The following GPR39 variants were observed in gnomAD, a reference collection of about 807,000 sequenced individuals.
GPR39 encodes the protein G protein-coupled receptor 39, also known as zinc sensing receptor.
In GPR39, 23 loss-of-function variants were observed where a neutral mutation model predicts 18.4. The ratio of observed to expected loss-of-function variants is 1.25; its 90% CI spans 0.90 to 1.77. The LOEUF (loss-of-function observed/expected upper bound fraction) is 1.77, where lower values mean the gene tolerates loss of function less well. Ranked by LOEUF, GPR39 falls within the 40% of genes most tolerant of loss-of-function variation. The probability of loss-of-function intolerance (pLI) is 0.00; values close to 1 mark genes in which losing one functional copy is unlikely to be tolerated. For synonymous variants in GPR39, 280 were observed against 257.9 expected, an observed-to-expected ratio of 1.09 and a Z score of -0.82; for missense variants, 647 against 602.4, an observed-to-expected ratio of 1.07 and a Z score of -0.78.
chr2:132,493,044 A>G (rs936180146), intron 1 of GPR39, among the ~76,000 whole-genome samples: 2 of 124,078 alleles, frequency 1.6e-5, no homozygotes, highest in Admixed American at 1.9e-4. Flanking sequence ...TATATATACC[A>G]TATATACCAT....
At position 132,645,141 on chromosome 2, in the gene GPR39, C is replaced by T; in HGVS notation, c.897C>T (p.Asn299=). Residue 299 remains asparagine (N), a synonymous_variant, in exon 2 of 2, where the codon AAC becomes AAT. Coordinates refer to ENST00000329321, the MANE Select transcript of GPR39 (RefSeq NM_001508.3). ...VVTLAVCWMP[N]QIRRIMAAAK... ...CATTGGCCGTATGCTGGATGCCCAA[C>T]CAGATTCGGAGGATCATGGCTGCGG... 1.2e-6 allele frequency: 2 copies of T among 1,614,100 alleles called. No homozygotes were observed. Among genetic ancestry groups the T allele is most frequent in the Non-Finnish European group, 1.7e-6 (2 of 1,179,978 alleles).
At chr2:132,592,482 G>A (rs1680863649) in intron 1 of GPR39, among the ~76,000 whole-genome samples, 2 of 152,148 alleles carry the variant, frequency 1.3e-5, no homozygotes, top group Admixed American at 1.3e-4. Flanking sequence ...AAAAGTGGTG[G>A]CTGAGGGTGA....
chr2:132,444,727 G>A (rs1440233964), intron 1 of GPR39, among the ~76,000 whole-genome samples: 2 of 152,196 alleles, frequency 1.3e-5, no homozygotes, highest in Non-Finnish European at 2.9e-5. Context: ...CATTGATGAA[G>A]TGTCCAGATC....
At chr2:132,434,957 A>T (rs1284992475) in intron 1 of GPR39, among the ~76,000 whole-genome samples, 1 of 152,222 alleles carries the variant, frequency 6.6e-6, no homozygotes, top group Non-Finnish European at 1.5e-5. Flanking sequence ...AATCAACGCC[A>T]GATGACGAGG....
At chr2:132,485,765 C>T (rs557837528) in intron 1 of GPR39, among the ~76,000 whole-genome samples, 15 of 152,162 alleles carry the variant, frequency 9.9e-5, no homozygotes, top group Non-Finnish European at 2.1e-4. Flanking sequence ...GCTATTATTT[C>T]TTCACTGAAA....
intron 1 of GPR39, among the ~76,000 whole-genome samples, chr2:132,516,469 G>A (rs1679336413): frequency 6.6e-6 from 1 of 152,186 alleles, no homozygotes; most frequent in Admixed American, 6.5e-5. Flanking sequence ...GATAGAGGGT[G>A]TCTTGGGGGA....
chr2:132,532,656 T>G (rs865972055), intron 1 of GPR39, among the ~76,000 whole-genome samples: 38 of 152,174 alleles, frequency 2.5e-4, no homozygotes, highest in African/African-American at 8.9e-4. Flanking sequence ...CATGATCAAG[T>G]GGGCTTCATC....
intron 1 of GPR39, among the ~76,000 whole-genome samples, chr2:132,585,689 G>A (rs1002158412): frequency 2.6e-5 from 4 of 152,020 alleles, no homozygotes; most frequent in Admixed American, 2.6e-4. Flanking sequence ...TGGAGTGGAC[G>A]GGCAAGGGGG....
chr2:132,434,573 G>C (rs1680278896), intron 1 of GPR39, among the ~76,000 whole-genome samples: 1 of 152,140 alleles, frequency 6.6e-6, no homozygotes, highest in Admixed American at 6.5e-5. Flanking sequence ...TCAGCCTCTA[G>C]ATTGGGGCCA....
intron 1 of GPR39, among the ~76,000 whole-genome samples, chr2:132,561,077 C>A (rs1680243809): frequency 6.7e-6 from 1 of 149,434 alleles, no homozygotes; most frequent in South Asian, 2.1e-4. Context: ...CCATGCCTGG[C>A]TAAATTTTGT....
At chr2:132,435,019 T>A (rs1209046637) in intron 1 of GPR39, among the ~76,000 whole-genome samples, 1 of 152,122 alleles carries the variant, frequency 6.6e-6, no homozygotes. Flanking sequence ...TATTAGACAA[T>A]CTGGCCAAAG....
At chr2:132,558,652 G>A (rs776786649) in intron 1 of GPR39, among the ~76,000 whole-genome samples, 9 of 152,164 alleles carry the variant, frequency 5.9e-5, no homozygotes, top group Admixed American at 1.3e-4. Flanking sequence ...TGATTAACAA[G>A]ACGATGCACT....
At chr2:132,524,765 A>G (rs1392167091) in intron 1 of GPR39, among the ~76,000 whole-genome samples, 2 of 152,190 alleles carry the variant, frequency 1.3e-5, no homozygotes, top group African/African-American at 2.4e-5. Context: ...AATTTTAAAG[A>G]TGTAGGAAGC....
chr2:132,633,267 T>G (rs1402691337), intron 1 of GPR39, among the ~76,000 whole-genome samples: 1 of 151,986 alleles, frequency 6.6e-6, no homozygotes, highest in Non-Finnish European at 1.5e-5. Context: ...TAATCCTACC[T>G]TCTATCAATT....
intron 1 of GPR39, among the ~76,000 whole-genome samples, chr2:132,610,897 G>T (rs989259772): frequency 6.6e-6 from 1 of 152,118 alleles, no homozygotes; most frequent in African/African-American, 2.4e-5. Context: ...TGCTGGAAGG[G>T]AAAAGGGCAT....
chr2:132,441,298 G>A (rs1055914057), intron 1 of GPR39, among the ~76,000 whole-genome samples: 5 of 152,102 alleles, frequency 3.3e-5, no homozygotes, highest in Admixed American at 6.5e-5. Flanking sequence ...TTACAGATAC[G>A]CTGCATTTCA....
chr2:132,504,301 A>T (rs1417408668), intron 1 of GPR39, among the ~76,000 whole-genome samples: 1 of 152,204 alleles, frequency 6.6e-6, no homozygotes, highest in Non-Finnish European at 1.5e-5. Flanking sequence ...ATATCTAAAT[A>T]TAAATATGTA....
chr2:132,644,477 A>T (rs1310884780), intron 1 of GPR39, among the ~76,000 whole-genome samples: 1 of 152,248 alleles, frequency 6.6e-6, no homozygotes, highest in Non-Finnish European at 1.5e-5. Context: ...TGTTGCAGAT[A>T]TGAGCATCAT....
chr2:132,500,292 AG>A (rs1344309484), intron 1 of GPR39, among the ~76,000 whole-genome samples: 1 of 152,298 alleles, frequency 6.6e-6, no homozygotes, highest in Non-Finnish European at 1.5e-5. Flanking sequence ...TTAATCATAA[AG>A]GGATGCTGGA....
Sources: allele counts gnomAD v4.1 joint callset (sites outside exome capture counted in the v4.1 genomes callset), GRCh38; gene constraint gnomAD v4.1.1; transcripts MANE v1.5; gene names NCBI Gene and HGNC (gene_info 2026-07-23, HGNC 2026-07-21).